GRHL2: variants seen among roughly 807,000 people sequenced by gnomAD.
The protein encoded by GRHL2 is grainyhead like transcription factor 2.
GRHL2 carries 21 observed loss-of-function variants against 83.8 expected under a neutral mutation model. The ratio of observed to expected loss-of-function variants is 0.25; its 90% CI spans 0.18 to 0.36. The LOEUF (loss-of-function observed/expected upper bound fraction) is 0.36. Among genes scored for constraint, GRHL2 ranks in the 10% least tolerant of loss-of-function variants. The probability of loss-of-function intolerance (pLI) is 1.00; values close to 1 mark genes in which losing one functional copy is unlikely to be tolerated. For synonymous variants in GRHL2, 280 were observed against 278.9 expected (o/e 1.00, Z -0.04); for missense variants, 623 against 781.8 (o/e 0.80, Z 2.42).
At chr8:101,658,626 G>A (rs560594291) in intron 14 of GRHL2, among the ~76,000 whole-genome samples, 1 of 152,298 alleles carries the variant, frequency 6.6e-6, no homozygotes, top group East Asian at 1.9e-4. Context: ...GAGCCGAGGT[G>A]TTCCCTTTCA....
rs781449979 is a variant in GRHL2, at chr8:101,599,092, A to G, written c.1039A>G (p.Ile347Val). The change falls in exon 8 of 16, where the codon ATT becomes GTT. Residue 347 changes from isoleucine (I) to valine (V), a missense_variant. Ile to Val is a conservative substitution (Grantham distance 29). Coordinates refer to ENST00000646743, the MANE Select transcript of GRHL2 (RefSeq NM_024915.4). ...GGAGAGCTTTAATACGATTGGAAACATTGAAGAGATTGCATATAATGCTGT... is the reference window on the plus strand; with the variant it reads ...GGAGAGCTTTAATACGATTGGAAACGTTGAAGAGATTGCATATAATGCTGT... ...YKESFNTIGN[I>V]EEIAYNAVSF... 1 of 1,613,604 alleles carries G rather than the reference A, an allele frequency of 6.2e-7. No individual in the cohort carries two copies. Among genetic ancestry groups the G allele is most frequent in the Non-Finnish European group, 8.5e-7 (1 of 1,179,586 alleles).
chr8:101,562,247 G>A, intron 4 of GRHL2: 3 of 599,386 alleles, frequency 5.0e-6, no homozygotes, highest in Non-Finnish European at 9.3e-6. Flanking sequence ...GCTCTCACTG[G>A]TATTCGATAG....
intron 1 of GRHL2, among the ~76,000 whole-genome samples, chr8:101,523,536 G>T (rs1043616767): frequency 6.6e-6 from 1 of 150,610 alleles, no homozygotes; most frequent in East Asian, 2.0e-4. Flanking sequence ...GAGTGTGGTG[G>T]CACATCACGG....
chr8:101,535,123 C>A (rs1811016598), intron 1 of GRHL2, among the ~76,000 whole-genome samples: 1 of 152,204 alleles, frequency 6.6e-6, no homozygotes, highest in South Asian at 2.1e-4. Context: ...GACTCAACGA[C>A]CATCTCCTGT....
intron 9 of GRHL2, among the ~76,000 whole-genome samples, chr8:101,627,933 T>C (rs1051877130): frequency 6.6e-6 from 1 of 152,144 alleles, no homozygotes; most frequent in Non-Finnish European, 1.5e-5. Flanking sequence ...ATGAGGAAGC[T>C]GCAGAAGAAA....
the GRHL2 span, among the ~76,000 whole-genome samples, chr8:101,678,070 G>A: frequency 3.9e-5 from 6 of 152,270 alleles, no homozygotes; most frequent in Middle Eastern, 3.4e-3. Context: ...GAAGACAAGC[G>A]AGGGAAGAGA....
intron 7 of GRHL2, among the ~76,000 whole-genome samples, chr8:101,593,488 A>C (rs1164487464): frequency 6.6e-6 from 1 of 152,128 alleles, no homozygotes; most frequent in Admixed American, 6.5e-5. Context: ...ATTGTGTTTT[A>C]TAATTCGTTT....
In GRHL2 at chr8:101,492,593, G is replaced by A. The variant is rs977728343; in HGVS notation, c.-177G>A. 5.6e-6 allele frequency: 4 copies of A among 710,022 alleles called. No homozygotes were observed. In the East Asian group the frequency reaches 8.0e-5, roughly 14 times the overall value. The allele number at this position is 710,022 out of a possible 1,614,324, so 44.0% of individuals were successfully genotyped here. A position where few individuals can be genotyped will look rare whatever the true frequency, so the allele number is the denominator to read the frequency against. On this transcript the variant is annotated 5_prime_UTR_variant, in exon 1 of 16. Transcript: ENST00000646743. ...ATCCCACCTTTCCGGCTAGGTGAGG[G>A]CGCGAGCGGGCGAGCGAGCGAGAGT...
At chr8:101,643,369 C>CAAAAAAAAA (rs56301334) in intron 12 of GRHL2, among the ~76,000 whole-genome samples, 1 of 96,988 alleles carries the variant, frequency 1.0e-5, no homozygotes, top group South Asian at 4.4e-4. Context: ...CTGTTTCTCT[C>CAAAAAAAAA]AAAAAAAAAA....
intron 1 of GRHL2, among the ~76,000 whole-genome samples, chr8:101,515,290 T>C (rs1810550895): frequency 6.6e-6 from 1 of 151,988 alleles, no homozygotes; most frequent in Non-Finnish European, 1.5e-5. Flanking sequence ...AAAAAATGTC[T>C]TATGATGCTT....
chr8:101,664,071 C>G (rs1813988106), intron 14 of GRHL2, among the ~76,000 whole-genome samples: 1 of 152,170 alleles, frequency 6.6e-6, no homozygotes, highest in Admixed American at 6.5e-5. Flanking sequence ...ATGGTTTCAT[C>G]TTTCACATGT....
chr8:101,579,679 A>AT (rs1397792726), intron 7 of GRHL2, among the ~76,000 whole-genome samples: 2 of 152,346 alleles, frequency 1.3e-5, no homozygotes, highest in Admixed American at 1.3e-4. Flanking sequence ...CTTCTGCTAG[A>AT]TTAAAAAAAT....
chr8:101,628,631 G>A (rs1813126190), intron 9 of GRHL2, among the ~76,000 whole-genome samples: 1 of 151,722 alleles, frequency 6.6e-6, no homozygotes, highest in East Asian at 1.9e-4. Flanking sequence ...TTCCACTGAT[G>A]GTTCTGGGCA....
intron 14 of GRHL2, among the ~76,000 whole-genome samples, chr8:101,658,387 G>GAGTT (rs1813845102): frequency 6.6e-6 from 1 of 152,194 alleles, no homozygotes; most frequent in Non-Finnish European, 1.5e-5. Flanking sequence ...GATCCTGGGT[G>GAGTT]AGTTACTTAC....
At chr8:101,674,589 C>T (rs1220321658), downstream of GRHL2, among the ~76,000 whole-genome samples, 6 of 152,108 alleles carry the variant, frequency 3.9e-5, no homozygotes, top group Admixed American at 3.3e-4. Flanking sequence ...CAAAAAAAGT[C>T]CAGGACCAGA....
rs1586115791 is a variant in GRHL2 at position 101,581,080 on chromosome 8, G to GTGTTCCAGCCTCTA, written c.1003+3561_1003+3562insTGTTCCAGCCTCTA. On this transcript the variant is annotated intron_variant, in intron 7 of 15. Coordinates refer to ENST00000646743, the MANE Select transcript of GRHL2 (RefSeq NM_024915.4). Reference sequence around the variant, plus strand: ...GTATTCCAGCCTCTAGCCAGTTCTTGGCACCCACCAGGCCCTGTCTACATG... The same window carrying GTGTTCCAGCCTCTA: ...GTATTCCAGCCTCTAGCCAGTTCTTGTGTTCCAGCCTCTAGCACCCACCAGGCCCTGTCTACATG... Among the ~76,000 whole-genome samples the GTGTTCCAGCCTCTA allele has an allele frequency of 2.0e-5, 3 of 152,250 alleles. No individual in the cohort carries two copies. The East Asian group carries it at 5.8e-4, about 29-fold the overall frequency.
chr8:101,497,495 C>A (rs2129958114), intron 1 of GRHL2, among the ~76,000 whole-genome samples: 1 of 152,290 alleles, frequency 6.6e-6, no homozygotes, highest in South Asian at 2.1e-4. Context: ...GTTAACCTAA[C>A]TGAAAAACAA....
chr8:101,495,567 C>A (rs901884456), intron 1 of GRHL2, among the ~76,000 whole-genome samples: 5 of 152,194 alleles, frequency 3.3e-5, no homozygotes, highest in Admixed American at 2.0e-4. Context: ...GATTAAGAAA[C>A]TCTTATTTTA....
intron 4 of GRHL2, chr8:101,561,997 T>A: frequency 1.3e-6 from 1 of 756,784 alleles, no homozygotes; most frequent in East Asian, 2.9e-5. Context: ...TTACAGAGAT[T>A]TTTAAGAAGC....
Sources: gnomAD v4.1 joint callset for allele counts (sites outside exome capture counted in the v4.1 genomes callset) on GRCh38, gnomAD v4.1.1 for gene constraint, MANE v1.5 for transcripts, NCBI Gene and HGNC (gene_info 2026-07-23, HGNC 2026-07-21) for gene names.